NAALAD2: variants seen among roughly 807,000 people sequenced by gnomAD.
The protein encoded by NAALAD2 is N-acetylated alpha-linked acidic dipeptidase 2, also known as N-acetylated-alpha-linked acidic dipeptidase 2.
In NAALAD2, 89 loss-of-function variants were observed where a neutral mutation model predicts 95.6. The ratio of observed to expected loss-of-function variants is 0.93; its 90% CI spans 0.78 to 1.11. The LOEUF (loss-of-function observed/expected upper bound fraction) is 1.11, where lower values mean the gene tolerates loss of function less well. Ranked by LOEUF, NAALAD2 falls within the 50% of genes least tolerant of loss-of-function variation. The probability of loss-of-function intolerance (pLI) is 0.00; values close to 1 mark genes in which losing one functional copy is unlikely to be tolerated. For missense variants in NAALAD2, 894 were observed against 872.4 expected (o/e 1.02, Z -0.31); for synonymous variants, 264 against 294.4 (o/e 0.90, Z 1.06).
chr11:90,185,355 A>C (rs1857104782), intron 18 of NAALAD2, among the ~76,000 whole-genome samples: 2 of 152,260 alleles, frequency 1.3e-5, no homozygotes, highest in Middle Eastern at 6.8e-3. Context: ...ACCATACGTT[A>C]CAATTTTATT....
chr11:90,135,694 T>A (rs1401566905), intron 2 of NAALAD2, 24 bp downstream of exon 2: 16 of 1,574,354 alleles, frequency 1.0e-5, no homozygotes, highest in Non-Finnish European at 1.4e-5. Flanking sequence ...ACGTATTTGA[T>A]CTTAAAAATC....
rs1174437285 is a variant in NAALAD2, at chr11:90,166,334, CGAAA to C, written c.1279-2592_1279-2589del. On this transcript the variant is annotated intron_variant, in intron 11 of 18. Transcript: ENST00000534061. ...GTGTATGTGTATGAGAGAGAGAGAG[CGAAA>C]GAGTCTTATTTTTGTCTTAATGTGT... is the stretch of plus-strand genomic sequence containing the variant. Among the ~76,000 whole-genome samples the C allele has an allele frequency of 8.6e-5, 13 of 152,018 alleles. No homozygotes were observed. In the South Asian group the frequency reaches 1.0e-3, roughly 12 times the overall value.
Position 90,150,510 on chromosome 11 carries a change from G to C in NAALAD2, c.512G>C (p.Arg171Pro). 2 of 1,609,246 alleles carry C rather than the reference G, an allele frequency of 1.2e-6. No homozygotes were observed. The highest frequency in any genetic ancestry group is 2.7e-5 in the African/African-American group (2 of 74,610). The change falls in exon 5 of 19, where the codon CGC becomes CCC. Residue 171 changes from arginine (R) to proline (P), a missense_variant. Arg to Pro is a moderately radical substitution (Grantham distance 103, BLOSUM62 -2). Coordinates refer to ENST00000534061, the MANE Select transcript of NAALAD2 (RefSeq NM_005467.4). ...EGDLVYVNYA[R>P]TEDFFKLERE... Reference sequence around the variant, plus strand: ...GATCTTGTATATGTGAACTATGCTCGCACTGAAGACTTTTTCAAACTAGAA... The same window carrying C: ...GATCTTGTATATGTGAACTATGCTCCCACTGAAGACTTTTTCAAACTAGAA...
chr11:90,183,962 G>A (rs1169205827), intron 18 of NAALAD2, among the ~76,000 whole-genome samples: 2 of 151,888 alleles, frequency 1.3e-5, no homozygotes, highest in Non-Finnish European at 2.9e-5. Context: ...CAGTATCTTG[G>A]CTGCATCCCT....
intron 11 of NAALAD2, among the ~76,000 whole-genome samples, chr11:90,167,233 C>A (rs371855435): frequency 1.9e-3 from 287 of 152,296 alleles, no homozygotes; most frequent in African/African-American, 6.4e-3. Flanking sequence ...GCGCTTGCGG[C>A]CCAGCGAGAG....
rs773225772 is a variant in NAALAD2 at position 90,181,733 on chromosome 11, A to ATTTT, written c.1940+32_1940+33insTTTT. On this transcript the variant is annotated intron_variant, in intron 17 of 18. Transcript: ENST00000534061. ...TTCAAATCCCTTTTTTTTTAAAAAA[A>ATTTT]AAAAAAAAAGCAATCTGGTTACTAG... is the stretch of plus-strand genomic sequence containing the variant. 3 of 1,286,306 alleles carry ATTTT rather than the reference A, an allele frequency of 2.3e-6. No homozygotes were observed. In the African/African-American group the frequency reaches 4.8e-5, roughly 21 times the overall value. 79.7% of individuals were successfully genotyped at this position (1,286,306 alleles called of 1,614,324 possible). A position where few individuals can be genotyped will look rare whatever the true frequency, so the allele number is the denominator to read the frequency against.
intron 8 of NAALAD2, 73 bp from the exon 9 acceptor site, chr11:90,162,876 A>C (rs1164236053): frequency 2.0e-5 from 17 of 836,666 alleles, no homozygotes; most frequent in Non-Finnish European, 3.3e-5. Context: ...TTATGAAAAT[A>C]GTTTTTTATA....
intron 17 of NAALAD2, among the ~76,000 whole-genome samples, chr11:90,182,482 C>T (rs1202635879): frequency 6.6e-6 from 1 of 152,106 alleles, no homozygotes; most frequent in African/African-American, 2.4e-5. Context: ...GCAGCTATCT[C>T]TTACCCTCCT....
intron 13 of NAALAD2, 52 bp from the exon 14 acceptor site, chr11:90,173,772 T>C: frequency 7.8e-7 from 1 of 1,275,978 alleles, no homozygotes; most frequent in Non-Finnish European, 1.1e-6. Context: ...TATTTTGGCA[T>C]AAATGTAGTT....
rs899315259 is a variant in NAALAD2, at chr11:90,191,659, G to A, written c.2135G>A (p.Arg712His). ...GATATTGAAAATAAAGCCAACTCTC[G>A]TTTGGCCTGGAAAGAAGTAAAGAAA... ...IFDIENKANS[R>H]LAWKEVKKHI... The change falls in exon 19 of 19, where the codon CGT becomes CAT. Residue 712 changes from arginine (R) to histidine (H), a missense_variant. By Grantham distance (29) the Arg-to-His change is conservative. Coordinates refer to ENST00000534061, the MANE Select transcript of NAALAD2 (RefSeq NM_005467.4). The A allele has an allele frequency of 2.5e-5, 40 of 1,604,306 alleles. No homozygotes were observed. The highest frequency in any genetic ancestry group is 8.1e-5 in the African/African-American group (6 of 74,508).
intron 2 of NAALAD2, among the ~76,000 whole-genome samples, chr11:90,141,900 A>C (rs932380940): frequency 1.9e-4 from 29 of 152,124 alleles, no homozygotes; most frequent in African/African-American, 4.8e-5. Flanking sequence ...TTACTTTTTT[A>C]AGAAAAATTG....
rs1479083433 is a variant in NAALAD2, at chr11:90,139,249, A to G, written c.194+3579A>G. 1.7e-3 allele frequency among the ~76,000 whole-genome samples: 265 copies of G among 152,286 alleles called. 2 individuals carry two copies. Among genetic ancestry groups the G allele is most frequent in the African/African-American group, 6.3e-3 (262 of 41,574 alleles). On this transcript the variant is annotated intron_variant, in intron 2 of 18. Transcript: ENST00000534061. The stretch of plus-strand genomic sequence containing the variant: ...GGCCTTCTTGTTGTACAAACAAAAG[A>G]CTGAAAGCTGGTGTTTATCTTTTCC...
chr11:90,145,745 G>C (rs182928293), intron 2 of NAALAD2, among the ~76,000 whole-genome samples: 11 of 152,104 alleles, frequency 7.2e-5, no homozygotes, highest in African/African-American at 2.4e-4. Context: ...AGGTAGATGG[G>C]ACAATATTTT....
intron 4 of NAALAD2, among the ~76,000 whole-genome samples, 157 bp from the exon 5 acceptor site, chr11:90,150,325 C>G (rs1951853290): frequency 6.6e-6 from 1 of 151,954 alleles, no homozygotes; most frequent in African/African-American, 2.4e-5. Flanking sequence ...AAAAGATTCT[C>G]TAATGAATTC....
intron 17 of NAALAD2, 117 bp from the exon 18 acceptor site, chr11:90,182,799 G>T: frequency 1.5e-6 from 1 of 672,100 alleles, no homozygotes; most frequent in Non-Finnish European, 2.5e-6. Context: ...TATTCATTTT[G>T]TTAAAAATTG....
chr11:90,146,428 G>T (rs1388921173), intron 2 of NAALAD2, among the ~76,000 whole-genome samples: 1 of 126,720 alleles, frequency 7.9e-6, no homozygotes, highest in Non-Finnish European at 1.5e-5. Context: ...GCATGATCTC[G>T]GCTCACTGCA....
intron 16 of NAALAD2, among the ~76,000 whole-genome samples, chr11:90,181,046 C>G (rs929359375): frequency 2.6e-5 from 4 of 151,900 alleles, no homozygotes; most frequent in Non-Finnish European, 1.5e-5. Context: ...ATTCTGGTAC[C>G]CAGGCCTCAC....
At chr11:90,144,594 T>C (rs1951703616) in intron 2 of NAALAD2, among the ~76,000 whole-genome samples, 2 of 151,588 alleles carry the variant, frequency 1.3e-5, no homozygotes, top group South Asian at 2.1e-4. Context: ...TACAAAAAAT[T>C]AGCTGGGCAT....
chr11:90,139,779 A>C (rs886194932), intron 2 of NAALAD2, among the ~76,000 whole-genome samples: 1 of 152,160 alleles, frequency 6.6e-6, no homozygotes, highest in African/African-American at 2.4e-5. Flanking sequence ...CAATACAAGA[A>C]AAAAAGGTAA....
Sources: gnomAD v4.1 joint callset for allele counts (sites outside exome capture counted in the v4.1 genomes callset) on GRCh38, gnomAD v4.1.1 for gene constraint, MANE v1.5 for transcripts, NCBI Gene and HGNC (gene_info 2026-07-23, HGNC 2026-07-21) for gene names.